Variants in ANKRD26 observed in about 807,000 individuals in gnomAD.
The protein encoded by ANKRD26 is ankyrin repeat domain 26.
A neutral mutation model predicts 208.7 loss-of-function variants in ANKRD26; 141 were observed. The ratio of observed to expected loss-of-function variants is 0.68; its 90% CI spans 0.59 to 0.78. The LOEUF (loss-of-function observed/expected upper bound fraction) is 0.78. ANKRD26 is among the 30% of genes least tolerant of loss of function. The pLI is 0.00. For missense variants in ANKRD26, 1,889 were observed against 1,938.7 expected (o/e 0.97, Z 0.48); for synonymous variants, 636 against 660.4 (o/e 0.96, Z 0.57).
chr10:27,094,044 T>C (rs1303753417), intron 1 of ANKRD26, among the ~76,000 whole-genome samples: 2 of 152,128 alleles, frequency 1.3e-5, no homozygotes, highest in African/African-American at 2.4e-5. Context: ...CTGCTGCTCT[T>C]GTGATAGTGA....
Position 27,035,001 on chromosome 10 carries a change from A to T in ANKRD26, c.3449T>A (p.Leu1150Gln). The change falls in exon 24 of 34, where the codon CTG (leucine) becomes CAG (glutamine). Residue 1150 changes from leucine to glutamine, a missense_variant. Physicochemically the swap from Leu to Gln is moderately radical, Grantham distance 113 (BLOSUM62 -2). Around this residue, in one of 3 missense-constraint regions of ANKRD26, gnomAD observed 613 missense variants for 648.2 expected, o/e 0.95. Coordinates refer to ENST00000376087, the MANE Select transcript of ANKRD26 (RefSeq NM_014915.3). ...GTCAGCCTTGTTGTGGGCATCATCC[A>T]GTTGTTGTCGAAGCAACATATTCTC... ...QSENMLLRQQ[L>Q]DDAHNKADNK... 1 of 1,614,078 alleles carries T rather than the reference A, an allele frequency of 6.2e-7. No homozygotes were observed. Among genetic ancestry groups the T allele is most frequent in the Non-Finnish European group, 8.5e-7 (1 of 1,179,954 alleles).
At chr10:26,968,509 C>T in the ANKRD26 span, among the ~76,000 whole-genome samples, 1 of 152,164 alleles carries the variant, frequency 6.6e-6, no homozygotes, top group Admixed American at 6.5e-5. Flanking sequence ...CTGTGATTCT[C>T]CCAGGTATAA....
the ANKRD26 span, among the ~76,000 whole-genome samples, chr10:26,952,369 T>A: frequency 1.3e-5 from 2 of 152,114 alleles, no homozygotes; most frequent in South Asian, 4.1e-4. Context: ...TTAAAACAAA[T>A]CCTGGGTTTT....
chr10:27,082,939 T>C (rs546185824), intron 5 of ANKRD26, 106 bp from the exon 6 acceptor site: 4 of 1,389,340 alleles, frequency 2.9e-6, no homozygotes, highest in Non-Finnish European at 3.9e-6. Flanking sequence ...TCTGGGACCA[T>C]ATCTGGAGAC....
the ANKRD26 span, among the ~76,000 whole-genome samples, chr10:26,955,512 T>C: frequency 6.6e-6 from 1 of 152,220 alleles, no homozygotes; most frequent in Non-Finnish European, 1.5e-5. Flanking sequence ...TATATGTGTA[T>C]AAATATGTTC....
At chr10:27,073,342 C>T (rs1036281364) in intron 9 of ANKRD26, among the ~76,000 whole-genome samples, 8 of 152,218 alleles carry the variant, frequency 5.3e-5, no homozygotes, top group Non-Finnish European at 8.8e-5. Flanking sequence ...TGTAGACAGC[C>T]TTCCTGAAGC....
chr10:27,011,904 T>A (rs2134884879), intron 32 of ANKRD26, among the ~76,000 whole-genome samples: 1 of 152,330 alleles, frequency 6.6e-6, no homozygotes, highest in East Asian at 1.9e-4. Flanking sequence ...GCTTTAACTA[T>A]TTAAAAACCA....
At chr10:27,051,909 G>A in intron 16 of ANKRD26, 3 of 985,276 alleles carry the variant, frequency 3.0e-6, no homozygotes, top group Non-Finnish European at 3.6e-6. Context: ...TAACTCATTT[G>A]TGATGAGTTT....
chr10:26,948,382 A>G, the ANKRD26 span, among the ~76,000 whole-genome samples: 1 of 152,216 alleles, frequency 6.6e-6, no homozygotes, highest in Non-Finnish European at 1.5e-5. Context: ...AAAGCAGGCT[A>G]AGACTCACCT....
downstream of ANKRD26, among the ~76,000 whole-genome samples, chr10:26,987,317 T>G (rs965633708): frequency 6.6e-6 from 1 of 152,122 alleles, no homozygotes; most frequent in South Asian, 2.1e-4. Flanking sequence ...CATTAGGAGA[T>G]ATACCTAATG....
At chr10:26,983,784 C>A (rs954897256) in intron 3 of ANKRD26, among the ~76,000 whole-genome samples, 4 of 152,138 alleles carry the variant, frequency 2.6e-5, no homozygotes, top group Non-Finnish European at 4.4e-5. Flanking sequence ...TCCCATGTGC[C>A]TTTCTCCTAA....
the ANKRD26 span, among the ~76,000 whole-genome samples, chr10:26,956,233 G>C: frequency 6.6e-6 from 1 of 151,880 alleles, no homozygotes; most frequent in Non-Finnish European, 1.5e-5. Flanking sequence ...AATGAATTTG[G>C]GCTAAAAATA....
intron 6 of ANKRD26, chr10:27,080,891 C>T (rs1349731792): frequency 2.0e-6 from 2 of 985,296 alleles, no homozygotes; most frequent in African/African-American, 3.5e-5. Flanking sequence ...CCTACCCCTG[C>T]CCTACCCTAC....
the ANKRD26 span, among the ~76,000 whole-genome samples, chr10:26,960,136 A>C: frequency 6.6e-6 from 1 of 152,078 alleles, no homozygotes; most frequent in East Asian, 1.9e-4. Context: ...GGGACAGAGC[A>C]AGACCTTGTC....
At chr10:27,062,259 C>T (rs184922448) in intron 12 of ANKRD26, 1,486 of 952,056 alleles carry the variant, frequency 1.6e-3, no homozygotes, top group Non-Finnish European at 1.7e-3. Context: ...TTTGTTTCTT[C>T]TCCTCTGGAA....
intron 12 of ANKRD26, chr10:27,062,108 CTT>C (rs777562126): frequency 2.0e-6 from 2 of 985,200 alleles, no homozygotes; most frequent in Admixed American, 6.2e-5. Context: ...CACGATCTCT[CTT>C]CTTTTGCAAA....
At chr10:27,084,615 C>T (rs1438102663) in intron 5 of ANKRD26, among the ~76,000 whole-genome samples, 1 of 152,144 alleles carries the variant, frequency 6.6e-6, no homozygotes, top group Admixed American at 6.6e-5. Flanking sequence ...AGCCTGTAAT[C>T]CCAATACTTT....
chr10:27,048,801 C>T lies in ANKRD26; in HGVS notation c.1814G>A (p.Ser605Asn), dbSNP rs997295262. The T allele has an allele frequency of 6.2e-7, 1 of 1,611,644 alleles. No individual in the cohort carries two copies. The highest frequency in any genetic ancestry group is 8.5e-7 in the Non-Finnish European group (1 of 1,178,628). Residue 605 changes from serine (S) to asparagine (N), a missense_variant and splice_region_variant, in exon 17 of 34, where the codon AGT (serine) becomes AAT (asparagine). This residue lies in a region of ANKRD26 where 1,272 missense variants were observed against 1,273.8 expected (regional missense o/e 1.00). Transcript: ENST00000376087. ...GCTGTTAAATATGCTATCAGCTTACCTAGCATACTCTTTATTTTCCTTCCT... is the reference window on the plus strand; with the variant it reads ...GCTGTTAAATATGCTATCAGCTTACTTAGCATACTCTTTATTTTCCTTCCT... ...FPRKENKEYA[S>N]SGPALQMKEV...
chr10:27,013,382 G>A (rs973909807), intron 31 of ANKRD26, among the ~76,000 whole-genome samples: 2 of 152,132 alleles, frequency 1.3e-5, no homozygotes, highest in Non-Finnish European at 2.9e-5. Flanking sequence ...TACCAATGAT[G>A]TATAACTTCA....
Sources: allele counts gnomAD v4.1 joint callset (sites outside exome capture counted in the v4.1 genomes callset), GRCh38; gene constraint gnomAD v4.1.1; regional missense constraint gnomAD v4.1.1; transcripts MANE v1.5; gene names NCBI Gene and HGNC (gene_info 2026-07-23, HGNC 2026-07-21).